The following AUTS2 variants were observed in gnomAD, a reference collection of about 807,000 sequenced individuals.
The protein encoded by AUTS2 is autism susceptibility gene 2 protein.
A neutral mutation model predicts 112.4 loss-of-function variants in AUTS2; 17 were observed. The ratio of observed to expected loss-of-function variants is 0.15; its 90% CI spans 0.10 to 0.23. AUTS2 has a LOEUF of 0.23. Ranked by LOEUF, AUTS2 falls within the 10% of genes least tolerant of loss-of-function variation. AUTS2 has a pLI of 1.00. For synonymous variants in AUTS2, 751 were observed against 702.7 expected (o/e 1.07, Z -1.09); for missense variants, 1,510 against 1,701.6 (o/e 0.89, Z 1.98).
At chr7:70,068,879 T>C (rs1802622444) in intron 2 of AUTS2, among the ~76,000 whole-genome samples, 1 of 152,242 alleles carries the variant, frequency 6.6e-6, no homozygotes, top group South Asian at 2.1e-4. Flanking sequence ...TATATAAGTA[T>C]GACTTTCAGT....
chr7:69,883,188 G>A (rs973821508), intron 1 of AUTS2, among the ~76,000 whole-genome samples: 2 of 152,096 alleles, frequency 1.3e-5, no homozygotes, highest in Admixed American at 1.3e-4. Flanking sequence ...CTGGAATGAA[G>A]CTTCTATGGT....
chr7:70,515,931 G>A (rs1799398012), intron 5 of AUTS2, among the ~76,000 whole-genome samples: 1 of 152,116 alleles, frequency 6.6e-6, no homozygotes. Flanking sequence ...CAACTTATCA[G>A]CCCTAAACAG....
intron 2 of AUTS2, among the ~76,000 whole-genome samples, chr7:69,911,414 C>T (rs879649048): frequency 6.6e-6 from 1 of 152,150 alleles, no homozygotes; most frequent in Non-Finnish European, 1.5e-5. Flanking sequence ...TTAACTGCAA[C>T]GTGGCGAGCA....
At position 70,766,391 on chromosome 7, in the gene AUTS2, C is replaced by G; in HGVS notation, c.1689+57C>G. 6.3e-7 allele frequency: 1 copy of G among 1,591,480 alleles called. No homozygotes were observed. Among genetic ancestry groups the G allele is most frequent in the East Asian group, 2.2e-5 (1 of 44,596 alleles). ...GTAGAGCACGACTCTTTTCTTTATG[C>G]AGCACGTGGGACCGGGCTGGGCAGC... On this transcript the variant is annotated intron_variant, in intron 9 of 18. Coordinates refer to ENST00000342771, the MANE Select transcript of AUTS2 (RefSeq NM_015570.4). This position sits in a 1 kb window ranked among gnomAD's most constrained non-coding sequence, Gnocchi z 4.8.
intron 6 of AUTS2, among the ~76,000 whole-genome samples, chr7:70,725,974 A>T (rs976262146): frequency 6.7e-6 from 1 of 150,218 alleles, no homozygotes; most frequent in Non-Finnish European, 1.5e-5. Flanking sequence ...GTGAGCAGAG[A>T]TCGTGCCACT....
intron 2 of AUTS2, among the ~76,000 whole-genome samples, chr7:70,069,678 C>T (rs1399951738): frequency 3.4e-5 from 5 of 149,232 alleles, no homozygotes; most frequent in Non-Finnish European, 7.4e-5. Context: ...AATTCTCTGT[C>T]AAATTCTATC....
intron 5 of AUTS2, among the ~76,000 whole-genome samples, chr7:70,669,344 C>G (rs568582856): frequency 6.6e-6 from 1 of 152,194 alleles, no homozygotes; most frequent in Admixed American, 6.5e-5. Context: ...TTAATTACAT[C>G]CCTTCTGGTT....
intron 4 of AUTS2, among the ~76,000 whole-genome samples, chr7:70,150,538 C>T (rs1335641886): frequency 2.0e-5 from 3 of 152,154 alleles, no homozygotes; most frequent in Admixed American, 1.3e-4. Context: ...TCAGAAAATA[C>T]TAACAGACTA....
chr7:69,625,062 A>G (rs1392953439), intron 1 of AUTS2, among the ~76,000 whole-genome samples: 2 of 152,126 alleles, frequency 1.3e-5, no homozygotes, highest in Non-Finnish European at 2.9e-5. Context: ...TTGGTGAGGC[A>G]TGCCGTTGGG....
intron 5 of AUTS2, among the ~76,000 whole-genome samples, chr7:70,674,400 G>A (rs934482463): frequency 4.6e-5 from 7 of 152,168 alleles, no homozygotes; most frequent in South Asian, 2.1e-4. Context: ...GAGATTAGGC[G>A]CACTTGTCAT....
intron 2 of AUTS2, among the ~76,000 whole-genome samples, chr7:70,008,659 A>C (rs1434711235): frequency 6.6e-6 from 1 of 152,224 alleles, no homozygotes; most frequent in Admixed American, 6.5e-5. Context: ...ACATGACCGC[A>C]TGTAGGCTTA....
chr7:69,910,788 C>T (rs1795322193), intron 2 of AUTS2, among the ~76,000 whole-genome samples: 1 of 152,186 alleles, frequency 6.6e-6, no homozygotes, highest in East Asian at 1.9e-4. Context: ...CCACCACGCC[C>T]AGCGAATTTT....
At chr7:70,747,796 A>T (rs551678805) in intron 6 of AUTS2, among the ~76,000 whole-genome samples, 2 of 128,592 alleles carry the variant, frequency 1.6e-5, no homozygotes, top group South Asian at 5.1e-4. Context: ...CAGCGAGCTC[A>T]TTTCTTTATT....
intron 4 of AUTS2, among the ~76,000 whole-genome samples, chr7:70,419,475 G>T (rs1173084311): frequency 1.3e-5 from 2 of 152,084 alleles, no homozygotes; most frequent in Non-Finnish European, 2.9e-5. Context: ...TTAAAAACGT[G>T]AATATATGAA....
chr7:70,119,803 G>C (rs1211611724), intron 3 of AUTS2: 1 of 151,598 alleles, frequency 6.6e-6, no homozygotes, highest in East Asian at 1.9e-4. Flanking sequence ...ATAAATAAAG[G>C]ATATGTAATA....
intron 1 of AUTS2, among the ~76,000 whole-genome samples, chr7:69,683,356 G>T (rs993333950): frequency 1.3e-5 from 2 of 152,188 alleles, no homozygotes; most frequent in South Asian, 2.1e-4. Context: ...GCTTTTAGTT[G>T]CCTGCATTTG....
chr7:70,593,640 A>G (rs1425941817), intron 5 of AUTS2, among the ~76,000 whole-genome samples: 1 of 152,218 alleles, frequency 6.6e-6, no homozygotes, highest in Non-Finnish European at 1.5e-5. Flanking sequence ...CAAGCCCTAT[A>G]TATTTATAGT....
At chr7:70,153,142 G>C (rs1377826039) in intron 4 of AUTS2, among the ~76,000 whole-genome samples, 1 of 152,120 alleles carries the variant, frequency 6.6e-6, no homozygotes, top group African/African-American at 2.4e-5. Context: ...AGCTTTATTT[G>C]TAATAGCCCC....
intron 4 of AUTS2, among the ~76,000 whole-genome samples, chr7:70,168,803 G>A (rs572711146): frequency 2.4e-4 from 37 of 152,226 alleles, no homozygotes; most frequent in African/African-American, 8.9e-4. Context: ...AGTTCTCTGT[G>A]TGCTGGTGAG....
Sources: allele counts gnomAD v4.1 joint callset (sites outside exome capture counted in the v4.1 genomes callset), GRCh38; gene constraint gnomAD v4.1.1; non-coding constraint Gnocchi (gnomAD v3.1); transcripts MANE v1.5; gene names NCBI Gene and HGNC (gene_info 2026-07-23, HGNC 2026-07-21).